Variants in MAP3K5 observed in about 807,000 individuals in gnomAD.
The protein encoded by MAP3K5 is ASK-1.
In MAP3K5, 56 loss-of-function variants were observed where a neutral mutation model predicts 158.7. The observed-to-expected ratio is 0.35, with a 90% CI of 0.28 to 0.44. The LOEUF is 0.44. Ranked by LOEUF, MAP3K5 falls within the 20% of genes least tolerant of loss-of-function variation. MAP3K5 has a pLI of 1.00. For missense variants in MAP3K5, 1,294 were observed against 1,674.8 expected, an observed-to-expected ratio of 0.77 and a Z score of 3.97; for synonymous variants, 579 against 601.7, an observed-to-expected ratio of 0.96 and a Z score of 0.55.
intron 7 of MAP3K5, among the ~76,000 whole-genome samples, chr6:136,682,143 T>C (rs766744561): frequency 6.6e-6 from 1 of 152,212 alleles, no homozygotes; most frequent in African/African-American, 2.4e-5. Flanking sequence ...TACATCTATC[T>C]GGTCACCAAT....
chr6:136,738,451 T>C (rs540540679), intron 1 of MAP3K5, among the ~76,000 whole-genome samples: 63 of 152,162 alleles, frequency 4.1e-4, no homozygotes, highest in African/African-American at 1.3e-3. Context: ...TTCACATTGC[T>C]AAAATGAGAG....
chr6:136,560,322 G>T (rs1177757114), intron 28 of MAP3K5, among the ~76,000 whole-genome samples: 1 of 151,950 alleles, frequency 6.6e-6, no homozygotes, highest in East Asian at 1.9e-4. Context: ...TCTACTAAAA[G>T]TACAAAAATT....
chr6:136,652,838 C>T (rs73777948), intron 10 of MAP3K5, among the ~76,000 whole-genome samples: 3,695 of 152,266 alleles, frequency 0.024, 156 homozygotes, highest in African/African-American at 0.084. Flanking sequence ...GCTCTTTGCT[C>T]TATCCTTGAA....
chr6:136,777,723 T>C (rs527914781), intron 1 of MAP3K5, among the ~76,000 whole-genome samples: 2 of 152,354 alleles, frequency 1.3e-5, no homozygotes, highest in African/African-American at 4.8e-5. Context: ...ATTACAGATA[T>C]GGTTCTGCAT....
intron 25 of MAP3K5, among the ~76,000 whole-genome samples, chr6:136,574,949 A>G (rs1774541452): frequency 6.6e-6 from 1 of 151,938 alleles, no homozygotes; most frequent in African/African-American, 2.4e-5. Flanking sequence ...TCGGCCTCCC[A>G]AAGTGCTGGG....
Position 136,621,673 on chromosome 6 carries a change from A to C in MAP3K5, c.2150+1175T>G, listed in dbSNP as rs1255269150. Reference sequence around the variant, plus strand: ...TAGCTTTAGCCCCCTTAGGTGAGACAGGACAGCTAGAGTTGGGCTAAATTT... The same window carrying C: ...TAGCTTTAGCCCCCTTAGGTGAGACCGGACAGCTAGAGTTGGGCTAAATTT... On this transcript the variant is annotated intron_variant, in intron 15 of 29. Coordinates refer to ENST00000359015, the MANE Select transcript of MAP3K5 (RefSeq NM_005923.4). Among the ~76,000 whole-genome samples, 8 of 152,220 alleles carry C rather than the reference A, an allele frequency of 5.3e-5. 1 individual carries two copies. The highest frequency in any genetic ancestry group is 1.9e-4 in the African/African-American group (8 of 41,456).
chr6:136,724,894 C>A (rs1781902028), intron 1 of MAP3K5, among the ~76,000 whole-genome samples: 1 of 152,132 alleles, frequency 6.6e-6, no homozygotes, highest in Non-Finnish European at 1.5e-5. Context: ...AGATCCTTCA[C>A]TCCAAAAATC....
intron 1 of MAP3K5, 129 bp downstream of exon 1, chr6:136,791,581 G>A (rs1156505463): frequency 3.1e-6 from 3 of 977,638 alleles, no homozygotes; most frequent in South Asian, 1.5e-5. Context: ...GTCACGCAGC[G>A]GCGCTCGCTG....
At chr6:136,577,719 A>G (rs897506066) in intron 25 of MAP3K5, among the ~76,000 whole-genome samples, 8 of 152,202 alleles carry the variant, frequency 5.3e-5, no homozygotes, top group Non-Finnish European at 1.2e-4. Flanking sequence ...AGATTCATGG[A>G]AACATTGCAA....
At chr6:136,784,749 G>C (rs1028748765) in intron 1 of MAP3K5, among the ~76,000 whole-genome samples, 1 of 152,152 alleles carries the variant, frequency 6.6e-6, no homozygotes, top group Non-Finnish European at 1.5e-5. Flanking sequence ...TAAATAACAA[G>C]TCATGAGTTT....
rs768345363 is a variant in MAP3K5, at chr6:136,613,132, G to A, written c.2403C>T (p.His801=). The change falls in exon 17 of 30, where the codon CAC becomes CAT. Residue 801 remains histidine, a synonymous_variant. Transcript: ENST00000359015. The surrounding 1 kb of genome is among the most constrained non-coding windows in gnomAD (Gnocchi z 4.0). The stretch of plus-strand genomic sequence containing the variant: ...TGGTGTACCTCACCTTTATGTCCCG[G>A]TGAACTATCTGATTGTCATGGAGAT... ...LKYLHDNQIV[H]RDIKGDNVLI... 1.9e-6 allele frequency: 3 copies of A among 1,608,168 alleles called. No homozygotes were observed. The highest frequency in any genetic ancestry group is 2.2e-5 in the East Asian group (1 of 44,658).
chr6:136,632,245 G>A (rs1777402599), intron 14 of MAP3K5, among the ~76,000 whole-genome samples: 1 of 152,130 alleles, frequency 6.6e-6, no homozygotes, highest in South Asian at 2.1e-4. Flanking sequence ...CATCAGCTGG[G>A]CATGGTGGCT....
At chr6:136,633,434 T>TAC (rs976520313) in intron 14 of MAP3K5, among the ~76,000 whole-genome samples, 8 of 150,694 alleles carry the variant, frequency 5.3e-5, no homozygotes, top group Non-Finnish European at 1.2e-4. Flanking sequence ...TGTATATATA[T>TAC]ATATATATTC....
intron 23 of MAP3K5, 89 bp downstream of exon 23, chr6:136,592,084 T>A: frequency 7.8e-7 from 1 of 1,284,066 alleles, no homozygotes; most frequent in Admixed American, 2.5e-5. Context: ...TCCTCTTGCC[T>A]TTCACATCAT....
intron 14 of MAP3K5, among the ~76,000 whole-genome samples, chr6:136,626,070 C>T (rs1182188582): frequency 6.6e-6 from 1 of 152,168 alleles, no homozygotes; most frequent in African/African-American, 2.4e-5. Context: ...GGGCAAATTA[C>T]CTACAAAGGT....
rs533159390 is a variant in MAP3K5, at chr6:136,613,475, A to C, written c.2279-219T>G. 1.3e-5 allele frequency among the ~76,000 whole-genome samples: 2 copies of C among 152,364 alleles called. No individual in the cohort carries two copies. Among genetic ancestry groups the C allele is most frequent in the South Asian group, 4.1e-4 (2 of 4,830 alleles). Reference sequence around the variant, plus strand: ...AAGTAAAAGGCCAATGTCAATTGCCAACTTTAATTCAAGTCATGATGATAG... The same window carrying C: ...AAGTAAAAGGCCAATGTCAATTGCCCACTTTAATTCAAGTCATGATGATAG... On this transcript the variant is annotated intron_variant, in intron 16 of 29. Coordinates refer to ENST00000359015, the MANE Select transcript of MAP3K5 (RefSeq NM_005923.4). The surrounding 1 kb of genome is among the most constrained non-coding windows in gnomAD (Gnocchi z 4.0).
At chr6:136,611,107 C>CAAAAAAAAAAAAA (rs59508317) in intron 18 of MAP3K5, among the ~76,000 whole-genome samples, 175 bp downstream of exon 18, 49 of 24,464 alleles carry the variant, frequency 2.0e-3, no homozygotes, top group East Asian at 6.0e-3. Context: ...GACCCTGTCT[C>CAAAAAAAAAAAAA]AAAAAAAAAA....
At position 136,567,789 on chromosome 6, in the gene MAP3K5, C is replaced by A; in HGVS notation, c.3603G>T (p.Gln1201His). Residue 1201 changes from glutamine to histidine, a missense_variant, in exon 26 of 30, where the codon CAG becomes CAT. Around this residue, in one of 5 missense-constraint regions of MAP3K5, gnomAD observed 199 missense variants for 220.3 expected, o/e 0.90. Coordinates refer to ENST00000359015, the MANE Select transcript of MAP3K5 (RefSeq NM_005923.4). Reference protein sequence around the residue: ...DLDVEDDHEEQPSNQTVRRPQ... With the variant: ...DLDVEDDHEEHPSNQTVRRPQ... ...GTCTTCGGACAGTTTGATTTGAAGG[C>A]TGTTCCTCATGGTCATCTTCTACAT... is the stretch of plus-strand genomic sequence containing the variant. 1 of 1,614,160 alleles carries A rather than the reference C, an allele frequency of 6.2e-7. No homozygotes were observed. The highest frequency in any genetic ancestry group is 1.7e-4 in the Middle Eastern group (1 of 6,060).
In MAP3K5 at chr6:136,792,185, G is replaced by C. The variant is rs1785110727; in HGVS notation, c.-28C>G. 11 of 1,527,614 alleles carry C rather than the reference G, an allele frequency of 7.2e-6. No individual in the cohort carries two copies. The highest frequency in any genetic ancestry group is 2.2e-4 in the Middle Eastern group (1 of 4,464). 94.6% of individuals were successfully genotyped at this position (1,527,614 alleles called of 1,614,324 possible). A position where few individuals can be genotyped will look rare whatever the true frequency, so the allele number is the denominator to read the frequency against. ...CTCCGGGCCGGGCAGCAACGGCGGC[G>C]GCGTCCCCCGCCCAGCCGCACCGCC... On this transcript the variant is annotated 5_prime_UTR_variant, in exon 1 of 30. Transcript: ENST00000359015. This position sits in a 1 kb window ranked among gnomAD's most constrained non-coding sequence, Gnocchi z 5.7.
Sources: allele counts gnomAD v4.1 joint callset (sites outside exome capture counted in the v4.1 genomes callset), GRCh38; gene constraint gnomAD v4.1.1; regional missense constraint gnomAD v4.1.1; non-coding constraint Gnocchi (gnomAD v3.1); transcripts MANE v1.5; gene names NCBI Gene and HGNC (gene_info 2026-07-23, HGNC 2026-07-21).